Variants in ANKS1B observed in about 807,000 individuals in gnomAD.
ANKS1B encodes ankyrin repeat and sterile alpha motif domain containing 1B.
Under a neutral mutation model 148.3 loss-of-function variants are expected in ANKS1B, and 36 were observed. That is an observed-to-expected ratio of 0.24 (90% CI 0.19 to 0.32). The LOEUF is 0.32. ANKS1B is among the 10% of genes least tolerant of loss of function. The probability of loss-of-function intolerance (pLI) is 1.00; values close to 1 mark genes in which losing one functional copy is unlikely to be tolerated. For synonymous variants in ANKS1B, 542 were observed against 560.8 expected (o/e 0.97, Z 0.47); for missense variants, 1,157 against 1,542.6 (o/e 0.75, Z 4.19).
At chr12:99,298,900 C>T (rs1715452768) in intron 12 of ANKS1B, among the ~76,000 whole-genome samples, 1 of 152,164 alleles carries the variant, frequency 6.6e-6, no homozygotes, top group South Asian at 2.1e-4. Context: ...TGTTCATTTT[C>T]TGTTTTTATA....
chr12:99,878,333 A>G (rs1375010732), intron 1 of ANKS1B, among the ~76,000 whole-genome samples: 1 of 152,232 alleles, frequency 6.6e-6, no homozygotes, highest in Non-Finnish European at 1.5e-5. Context: ...CTACAAAGGA[A>G]TTGAAAAAAG....
rs561473823 is a variant in ANKS1B, at chr12:99,638,037, T to C, written c.1272+17030A>G. ...AGTTCTCATGAGATCTGATGGTTTA[T>C]AAGGGTATTTTTCCCCCTTTGCTTG... On this transcript the variant is annotated intron_variant, in intron 9 of 26. Transcript: ENST00000683438. Among the ~76,000 whole-genome samples, 6 of 152,108 alleles carry C rather than the reference T, an allele frequency of 3.9e-5. No homozygotes were observed. The East Asian group carries it at 1.2e-3, about 29-fold the overall frequency.
chr12:99,274,003 C>A (rs1032080821), intron 12 of ANKS1B, among the ~76,000 whole-genome samples: 1 of 152,078 alleles, frequency 6.6e-6, no homozygotes, highest in Non-Finnish European at 1.5e-5. Flanking sequence ...TGCTGCTCTG[C>A]AATGCCCTTA....
intron 12 of ANKS1B, among the ~76,000 whole-genome samples, chr12:99,322,935 T>G (rs984913668): frequency 2.0e-5 from 3 of 152,194 alleles, no homozygotes; most frequent in Non-Finnish European, 4.4e-5. Flanking sequence ...CCTGCCACCA[T>G]GTAACATGTG....
rs116809185 is a variant in ANKS1B, at chr12:99,448,223, T to C, written c.1439-4414A>G. Among the ~76,000 whole-genome samples the C allele has an allele frequency of 9.0e-3, 1,376 of 152,074 alleles. 17 individuals carry two copies. The highest frequency in any genetic ancestry group is 0.031 in the African/African-American group (1,282 of 41,492). On this transcript the variant is annotated intron_variant, in intron 10 of 26. Coordinates refer to ENST00000683438, the MANE Select transcript of ANKS1B (RefSeq NM_001352186.2). ...GTCCATTAAGAGATGAATGGATAAA[T>C]GGAAAGAAAATGTAATATATACATA...
intron 12 of ANKS1B, among the ~76,000 whole-genome samples, chr12:99,323,008 C>G (rs571377620): frequency 7.9e-5 from 12 of 152,248 alleles, no homozygotes; most frequent in African/African-American, 2.9e-4. Flanking sequence ...GTCCACTAAA[C>G]CCCTTTTTCT....
chr12:99,868,916 G>C (rs946368294), intron 1 of ANKS1B, among the ~76,000 whole-genome samples: 27 of 152,192 alleles, frequency 1.8e-4, no homozygotes, highest in Non-Finnish European at 1.2e-4. Context: ...AAATAGCCGG[G>C]CATGGTGGCA....
intron 12 of ANKS1B, among the ~76,000 whole-genome samples, chr12:99,249,238 A>C (rs1364667097): frequency 6.7e-6 from 1 of 150,152 alleles, no homozygotes; most frequent in African/African-American, 2.4e-5. Flanking sequence ...CTATTGTGGG[A>C]AAAAGATTCT....
chr12:99,484,880 T>A (rs573882296), intron 10 of ANKS1B, among the ~76,000 whole-genome samples: 2 of 151,658 alleles, frequency 1.3e-5, no homozygotes, highest in Non-Finnish European at 2.9e-5. Context: ...TTCCACCCTT[T>A]TGCCCTCAGT....
intron 17 of ANKS1B, chr12:98,895,437 G>T: frequency 2.4e-6 from 1 of 423,930 alleles, no homozygotes; most frequent in Non-Finnish European, 3.2e-6. Context: ...TGTTACTGCG[G>T]TCGCCGCCGC....
intron 12 of ANKS1B, among the ~76,000 whole-genome samples, chr12:99,280,081 G>T (rs2078197183): frequency 6.6e-6 from 1 of 152,002 alleles, no homozygotes; most frequent in Admixed American, 6.6e-5. Flanking sequence ...TCTCATAATT[G>T]ATATTTTATC....
intron 1 of ANKS1B, among the ~76,000 whole-genome samples, chr12:99,854,142 G>A (rs1207060424): frequency 2.0e-5 from 3 of 152,160 alleles, no homozygotes; most frequent in Non-Finnish European, 2.9e-5. Flanking sequence ...CTCCCGAGTA[G>A]CTGGGACTAC....
At chr12:98,931,457 C>T (rs1226460171) in intron 17 of ANKS1B, among the ~76,000 whole-genome samples, 2 of 152,102 alleles carry the variant, frequency 1.3e-5, no homozygotes, top group Admixed American at 1.3e-4. Flanking sequence ...ACTGAATAGA[C>T]ACTCCTTTCT....
intron 10 of ANKS1B, among the ~76,000 whole-genome samples, chr12:99,496,109 G>GAAGCAGTCT (rs2096601861): frequency 6.6e-6 from 1 of 152,152 alleles, no homozygotes; most frequent in African/African-American, 2.4e-5. Context: ...AACATGATTG[G>GAAGCAGTCT]AAGCAGTCTT....
chr12:99,950,081 G>GGAT (rs960903377), intron 1 of ANKS1B, among the ~76,000 whole-genome samples: 49 of 150,802 alleles, frequency 3.2e-4, no homozygotes, highest in African/African-American at 1.2e-3. Flanking sequence ...CAAATAGCTG[G>GGAT]GATTACAGGT....
intron 1 of ANKS1B, among the ~76,000 whole-genome samples, chr12:99,877,902 T>A (rs1000207446): frequency 6.6e-6 from 1 of 151,974 alleles, no homozygotes; most frequent in African/African-American, 2.4e-5. Context: ...CTACCAAAAA[T>A]ACAAAAATTA....
intron 8 of ANKS1B, among the ~76,000 whole-genome samples, chr12:99,761,179 A>G (rs911030743): frequency 1.3e-5 from 2 of 151,690 alleles, no homozygotes; most frequent in Non-Finnish European, 2.9e-5. Context: ...ATTGAGGAGA[A>G]TGAACTCCTC....
intron 9 of ANKS1B, among the ~76,000 whole-genome samples, chr12:99,625,057 A>C (rs1459296558): frequency 6.6e-6 from 1 of 152,156 alleles, no homozygotes; most frequent in South Asian, 2.1e-4. Context: ...ATGGGATACT[A>C]TGCAGCCATA....
intron 9 of ANKS1B, among the ~76,000 whole-genome samples, chr12:99,609,594 A>G (rs998303418): frequency 2.0e-5 from 3 of 151,846 alleles, no homozygotes; most frequent in Admixed American, 1.3e-4. Context: ...AACAGAGAGC[A>G]TTCAGGGACC....
Sources: gnomAD v4.1 joint callset for allele counts (sites outside exome capture counted in the v4.1 genomes callset) on GRCh38, gnomAD v4.1.1 for gene constraint, MANE v1.5 for transcripts, NCBI Gene and HGNC (gene_info 2026-07-23, HGNC 2026-07-21) for gene names.